The following RRAGC variants were observed in gnomAD, a reference collection of about 807,000 sequenced individuals.
RRAGC encodes the protein Ras related GTP binding C, also known as ras-related GTP-binding protein C.
RRAGC carries 8 observed loss-of-function variants against 37.1 expected under a neutral mutation model. The observed-to-expected ratio is 0.22, with a 90% CI of 0.13 to 0.39. The LOEUF (loss-of-function observed/expected upper bound fraction) is 0.39, where lower values mean the gene tolerates loss of function less well. Ranked by LOEUF, RRAGC falls within the 10% of genes least tolerant of loss-of-function variation. The pLI, the probability that RRAGC is intolerant of heterozygous loss-of-function variation, is 1.00. For missense variants in RRAGC, 342 were observed against 497.6 expected (o/e 0.69, Z 2.98); for synonymous variants, 190 against 181.1 (o/e 1.05, Z -0.39).
rs185228542 is a variant in RRAGC, at chr1:38,852,594, G to A, written c.642-106C>T. On this transcript the variant is annotated intron_variant, in intron 3 of 6. Coordinates refer to ENST00000373001, the MANE Select transcript of RRAGC (RefSeq NM_022157.4). Reference sequence around the variant, plus strand: ...GTTTCTTAACATTTGATTTCAGTGAGTTCAATAAAGCCTCTTTATCTTGTC... The same window carrying A: ...GTTTCTTAACATTTGATTTCAGTGAATTCAATAAAGCCTCTTTATCTTGTC... 6.1e-4 allele frequency: 367 copies of A among 603,432 alleles called. 2 individuals are homozygous for A. The African/African-American group carries it at 6.4e-3, about 10-fold the overall frequency. 37.4% of individuals were successfully genotyped at this position (603,432 alleles called of 1,614,324 possible). A position where few individuals can be genotyped will look rare whatever the true frequency, so the allele number is the denominator to read the frequency against.
chr1:38,852,558 T>TA, intron 3 of RRAGC, 70 bp from the exon 4 acceptor site: 1 of 750,864 alleles, frequency 1.3e-6, no homozygotes, highest in Non-Finnish European at 2.3e-6. Context: ...TTATAATACA[T>TA]AAAATTTTAA....
intron 1 of RRAGC, among the ~76,000 whole-genome samples, chr1:38,858,938 C>A (rs1214305661): frequency 5.3e-5 from 8 of 152,224 alleles, no homozygotes; most frequent in Non-Finnish European, 1.0e-4. Context: ...ACATCAGTAG[C>A]GAGAATTACA....
intron 6 of RRAGC, among the ~76,000 whole-genome samples, chr1:38,843,567 A>C (rs1181703553): frequency 6.6e-6 from 1 of 152,082 alleles, no homozygotes; most frequent in Admixed American, 6.6e-5. Flanking sequence ...AAAAATACAA[A>C]AAAGTAGCCG....
intron 5 of RRAGC, among the ~76,000 whole-genome samples, chr1:38,848,998 C>G (rs1642061838): frequency 6.6e-6 from 1 of 151,630 alleles, no homozygotes; most frequent in East Asian, 1.9e-4. Context: ...GGCATGATGG[C>G]ACACGCCTGT....
intron 2 of RRAGC, 195 bp downstream of exon 2, chr1:38,856,684 T>C: frequency 1.9e-6 from 1 of 532,134 alleles, no homozygotes; most frequent in Non-Finnish European, 3.3e-6. Flanking sequence ...CCATATCTCC[T>C]AATCATCTGA....
chr1:38,850,375 G>A (rs1439859580), intron 5 of RRAGC, among the ~76,000 whole-genome samples: 2 of 151,450 alleles, frequency 1.3e-5, no homozygotes, highest in South Asian at 2.1e-4. Flanking sequence ...TTAGCCAGGC[G>A]TTGTGGCGGG....
chr1:38,851,432 A>G, intron 5 of RRAGC, 183 bp downstream of exon 5: 1 of 432,652 alleles, frequency 2.3e-6, no homozygotes, highest in East Asian at 3.7e-5. Flanking sequence ...CATTCTCCGA[A>G]GGAGTAAGAC....
rs1445379340 is a variant in RRAGC, at chr1:38,859,678, C to T, written c.-32G>A. On this transcript the variant is annotated 5_prime_UTR_variant, in exon 1 of 7. Coordinates refer to ENST00000373001, the MANE Select transcript of RRAGC (RefSeq NM_022157.4). ...GGAGCCGCCGCCGCCCGCGCCCTGA[C>T]AGGCCAGGCCAGGCCGAGCCAGGCC... The T allele has an allele frequency of 4.8e-6, 7 of 1,444,666 alleles. No individual in the cohort carries two copies. The highest frequency in any genetic ancestry group is 5.5e-6 in the Non-Finnish European group (6 of 1,096,832). 89.5% of individuals were successfully genotyped at this position (1,444,666 alleles called of 1,614,324 possible). A position where few individuals can be genotyped will look rare whatever the true frequency, so the allele number is the denominator to read the frequency against.
intron 5 of RRAGC, among the ~76,000 whole-genome samples, chr1:38,850,711 G>A (rs1642090342): frequency 6.6e-6 from 1 of 152,140 alleles, no homozygotes; most frequent in South Asian, 2.1e-4. Flanking sequence ...GGAGCAGAGA[G>A]AAGACACAGG....
chr1:38,850,004 A>G (rs1642079562), intron 5 of RRAGC, among the ~76,000 whole-genome samples: 1 of 151,540 alleles, frequency 6.6e-6, no homozygotes. Context: ...CAGGAGTTCG[A>G]GACCAGCCTG....
chr1:38,848,033 C>CAAAAAA (rs11408162), intron 5 of RRAGC: 1 of 110,514 alleles, frequency 9.0e-6, no homozygotes, highest in African/African-American at 3.3e-5. Flanking sequence ...GACCCTATCT[C>CAAAAAA]AAAAAAAAAA....
At chr1:38,856,844 C>A in intron 2 of RRAGC, 35 bp downstream of exon 2, 1 of 1,585,792 alleles carries the variant, frequency 6.3e-7, no homozygotes, top group Non-Finnish European at 8.7e-7. Context: ...ATCTTTTTCC[C>A]ACCAGGAAAG....
intron 6 of RRAGC, among the ~76,000 whole-genome samples, chr1:38,842,490 T>C (rs1570859217): frequency 6.6e-6 from 1 of 152,162 alleles, no homozygotes. Flanking sequence ...ACCTACCAGA[T>C]TGACAATAAT....
At chr1:38,847,100 ACT>A (rs571380061) in intron 5 of RRAGC, 1 of 151,798 alleles carries the variant, frequency 6.6e-6, no homozygotes, top group Non-Finnish European at 1.5e-5. Context: ...ACAGAGCAAG[ACT>A]CTGTCTCAGG....
At chr1:38,851,134 T>C (rs1026638236) in intron 5 of RRAGC, among the ~76,000 whole-genome samples, 1 of 152,244 alleles carries the variant, frequency 6.6e-6, no homozygotes, top group Non-Finnish European at 1.5e-5. Flanking sequence ...TGGAAACTTG[T>C]ATATATGGGT....
intron 1 of RRAGC, among the ~76,000 whole-genome samples, chr1:38,858,093 A>G (rs1642188688): frequency 6.6e-6 from 1 of 152,222 alleles, no homozygotes; most frequent in Admixed American, 6.5e-5. Flanking sequence ...AATGTGAATA[A>G]CTGAAATTAG....
intron 1 of RRAGC, 68 bp from the exon 2 acceptor site, chr1:38,857,150 G>A (rs1642177574): frequency 3.1e-6 from 4 of 1,288,982 alleles, no homozygotes; most frequent in Admixed American, 2.2e-5. Flanking sequence ...ATTCCACCCT[G>A]GTTTAACATT....
chr1:38,858,910 T>C (rs1205827095), intron 1 of RRAGC, among the ~76,000 whole-genome samples: 3 of 152,232 alleles, frequency 2.0e-5, no homozygotes, highest in Non-Finnish European at 4.4e-5. Flanking sequence ...CCAGTAATGC[T>C]ACAGCGAAGT....
At chr1:38,854,125 TG>T (rs898934301) in intron 3 of RRAGC, among the ~76,000 whole-genome samples, 14 of 145,378 alleles carry the variant, frequency 9.6e-5, no homozygotes, top group African/African-American at 3.6e-4. Flanking sequence ...TGGAGTCCAG[TG>T]GCACGATCTT....
Sources: allele counts gnomAD v4.1 joint callset (sites outside exome capture counted in the v4.1 genomes callset), GRCh38; gene constraint gnomAD v4.1.1; transcripts MANE v1.5; gene names NCBI Gene and HGNC (gene_info 2026-07-23, HGNC 2026-07-21).